GPC6: variants seen among roughly 807,000 people sequenced by gnomAD.
GPC6 encodes the protein glypican-6.
A neutral mutation model predicts 55.2 loss-of-function variants in GPC6; 14 were observed. The ratio of observed to expected loss-of-function variants is 0.25; its 90% CI spans 0.17 to 0.40. The LOEUF (loss-of-function observed/expected upper bound fraction) is 0.40. GPC6 is among the 10% of genes least tolerant of loss of function. The pLI is 1.00. For missense variants in GPC6, 641 were observed against 708.5 expected (o/e 0.90, Z 1.08); for synonymous variants, 278 against 259.6 (o/e 1.07, Z -0.68).
In GPC6 at chr13:93,244,928, C is replaced by CAA. The variant is rs148206245; in HGVS notation, c.160+17321_160+17322dup. On this transcript the variant is annotated intron_variant, in intron 1 of 8. Coordinates refer to ENST00000377047, the MANE Select transcript of GPC6 (RefSeq NM_005708.5). ...AACAAAGCCTCTAATCTGCCATCTTCAAAAAAAAAACTTCATAATCTTAAT... is the reference window on the plus strand; with the variant it reads ...AACAAAGCCTCTAATCTGCCATCTTCAAAAAAAAAAAACTTCATAATCTTAAT... Among the ~76,000 whole-genome samples, 339 of 148,650 alleles carry CAA rather than the reference C, an allele frequency of 2.3e-3. 4 individuals carry two copies. The highest frequency in any genetic ancestry group is 7.9e-3 in the African/African-American group (321 of 40,472).
At chr13:93,629,988 C>T (rs970424512) in intron 2 of GPC6, among the ~76,000 whole-genome samples, 1 of 152,056 alleles carries the variant, frequency 6.6e-6, no homozygotes, top group Non-Finnish European at 1.5e-5. Context: ...ATAATTGTAC[C>T]TAATCTCAAG....
intron 4 of GPC6, among the ~76,000 whole-genome samples, chr13:94,131,699 T>G (rs936017966): frequency 1.3e-4 from 20 of 152,052 alleles, no homozygotes; most frequent in African/African-American, 4.8e-4. Context: ...TCTTGAAACC[T>G]GGCTTCATCC....
At chr13:93,340,027 T>TC (rs1880191585) in intron 1 of GPC6, among the ~76,000 whole-genome samples, 1 of 9,460 alleles carries the variant, frequency 1.1e-4, no homozygotes, top group Non-Finnish European at 2.7e-4. Context: ...GTTTTCTTTC[T>TC]TTTTTTTTTT....
intron 5 of GPC6, among the ~76,000 whole-genome samples, chr13:94,288,403 G>A (rs190877793): frequency 2.6e-5 from 4 of 151,832 alleles, no homozygotes; most frequent in South Asian, 2.1e-4. Context: ...ACATCAATAC[G>A]GTCATGCACC....
chr13:94,021,926 T>C (rs185671997), intron 3 of GPC6, among the ~76,000 whole-genome samples: 1 of 152,238 alleles, frequency 6.6e-6, no homozygotes, highest in Admixed American at 6.5e-5. Context: ...TATTTTCTTT[T>C]TTCCCAACTA....
intron 1 of GPC6, among the ~76,000 whole-genome samples, chr13:93,278,077 T>A (rs1877817854): frequency 6.6e-6 from 1 of 152,188 alleles, no homozygotes; most frequent in Non-Finnish European, 1.5e-5. Flanking sequence ...CTGGTAAACC[T>A]TATATTTGCG....
chr13:93,277,491 C>T (rs1314881316), intron 1 of GPC6, among the ~76,000 whole-genome samples: 1 of 152,118 alleles, frequency 6.6e-6, no homozygotes, highest in African/African-American at 2.4e-5. Context: ...ATAATAAATG[C>T]TTTCACTTCA....
At chr13:93,710,698 CAA>C (rs140877387) in intron 2 of GPC6, among the ~76,000 whole-genome samples, 88 of 145,932 alleles carry the variant, frequency 6.0e-4, no homozygotes, top group African/African-American at 2.1e-3. Flanking sequence ...TCCCCCCCCC[CAA>C]AAAAAATATG....
At chr13:94,125,270 G>T (rs1372014155) in intron 4 of GPC6, among the ~76,000 whole-genome samples, 2 of 152,124 alleles carry the variant, frequency 1.3e-5, no homozygotes, top group East Asian at 3.9e-4. Flanking sequence ...ACAATGTCTT[G>T]TATGAAACAT....
intron 6 of GPC6, among the ~76,000 whole-genome samples, chr13:94,357,429 T>A (rs542339576): frequency 2.0e-4 from 31 of 152,282 alleles, no homozygotes; most frequent in African/African-American, 7.2e-4. Context: ...ACTCTGTACC[T>A]CTGGACCATC....
chr13:93,665,673 G>C (rs897083154), intron 2 of GPC6, among the ~76,000 whole-genome samples: 1 of 152,166 alleles, frequency 6.6e-6, no homozygotes, highest in African/African-American at 2.4e-5. Context: ...AAGAGAAAAA[G>C]TTTTGTAAGA....
At position 93,695,530 on chromosome 13, in the gene GPC6, A is replaced by G. The variant is rs191782971; in HGVS notation, c.320-134624A>G. Among the ~76,000 whole-genome samples, 461 of 152,200 alleles carry G rather than the reference A, an allele frequency of 3.0e-3. 1 individual carries two copies. The highest frequency in any genetic ancestry group is 0.01 in the African/African-American group (416 of 41,572). ...ATGTATAAGGGAACAGTGATTTGAA[A>G]ATAACTTTTATAAATACACTTTTGT... On this transcript the variant is annotated intron_variant, in intron 2 of 8. Coordinates refer to ENST00000377047, the MANE Select transcript of GPC6 (RefSeq NM_005708.5).
intron 1 of GPC6, among the ~76,000 whole-genome samples, chr13:93,531,820 A>G (rs1032649682): frequency 2.0e-5 from 3 of 152,230 alleles, no homozygotes; most frequent in African/African-American, 7.2e-5. Context: ...ACAATTATTT[A>G]CTAATGGATA....
intron 4 of GPC6, among the ~76,000 whole-genome samples, chr13:94,043,871 G>A (rs1307410112): frequency 6.6e-6 from 1 of 151,624 alleles, no homozygotes; most frequent in African/African-American, 2.4e-5. Flanking sequence ...AATTACTTAG[G>A]TTAGTTATGT....
chr13:94,177,251 A>G (rs1261516583), intron 4 of GPC6, among the ~76,000 whole-genome samples: 1 of 152,206 alleles, frequency 6.6e-6, no homozygotes, highest in Admixed American at 6.5e-5. Flanking sequence ...TCATGAGAAA[A>G]GTGACTGAAT....
chr13:94,047,893 G>C (rs1247079943), intron 4 of GPC6, among the ~76,000 whole-genome samples: 1 of 152,032 alleles, frequency 6.6e-6, no homozygotes, highest in Non-Finnish European at 1.5e-5. Flanking sequence ...CTCCAGATTC[G>C]CAGTTGATAG....
intron 4 of GPC6, among the ~76,000 whole-genome samples, chr13:94,285,371 C>G (rs1490116176): frequency 6.6e-6 from 1 of 152,076 alleles, no homozygotes; most frequent in African/African-American, 2.4e-5. Context: ...AACCTACAAG[C>G]CTAGTACCAT....
At chr13:94,063,646 T>C (rs1271685616) in intron 4 of GPC6, among the ~76,000 whole-genome samples, 2 of 152,104 alleles carry the variant, frequency 1.3e-5, no homozygotes, top group Admixed American at 1.3e-4. Flanking sequence ...AAGTTTGTCC[T>C]CTCTCAAAGC....
At chr13:93,599,977 T>C (rs1877941166) in intron 2 of GPC6, among the ~76,000 whole-genome samples, 1 of 152,152 alleles carries the variant, frequency 6.6e-6, no homozygotes, top group African/African-American at 2.4e-5. Flanking sequence ...AAAAAGCATC[T>C]TTTAGGAAGA....
Sources: allele counts gnomAD v4.1 joint callset (sites outside exome capture counted in the v4.1 genomes callset), GRCh38; gene constraint gnomAD v4.1.1; transcripts MANE v1.5; gene names NCBI Gene and HGNC (gene_info 2026-07-23, HGNC 2026-07-21).